Variants in KHDRBS2 observed in about 807,000 individuals in gnomAD.
KHDRBS2 encodes KH domain-containing, RNA-binding, signal transduction-associated protein 2.
Under a neutral mutation model 44.3 loss-of-function variants are expected in KHDRBS2, and 26 were observed. The observed-to-expected ratio is 0.59, with a 90% confidence interval of 0.43 to 0.81. The LOEUF (loss-of-function observed/expected upper bound fraction) is 0.81, where lower values mean the gene tolerates loss of function less well. KHDRBS2 is among the 40% of genes least tolerant of loss of function. The pLI is 0.00. For synonymous variants in KHDRBS2, 194 were observed against 151.1 expected, an observed-to-expected ratio of 1.28 and a Z score of -2.08; for missense variants, 476 against 433.1, an observed-to-expected ratio of 1.10 and a Z score of -0.88.
At chr6:62,021,444 G>A (rs1035187022) in intron 3 of KHDRBS2, among the ~76,000 whole-genome samples, 5 of 151,782 alleles carry the variant, frequency 3.3e-5, no homozygotes, top group Non-Finnish European at 5.9e-5. Context: ...TGTGTTTCTT[G>A]CAGTATCATA....
At chr6:61,610,929 G>A in the KHDRBS2 span, among the ~76,000 whole-genome samples, 2 of 152,104 alleles carry the variant, frequency 1.3e-5, no homozygotes, top group South Asian at 2.1e-4. Flanking sequence ...GACCATTCTG[G>A]AAATACTTGG....
At chr6:61,954,999 C>T (rs374052430) in intron 4 of KHDRBS2, among the ~76,000 whole-genome samples, 1 of 98,326 alleles carries the variant, frequency 1.0e-5, no homozygotes. Flanking sequence ...CATATATAGA[C>T]ATACATATGT....
chr6:61,618,647 C>T, the KHDRBS2 span, among the ~76,000 whole-genome samples: 3 of 152,248 alleles, frequency 2.0e-5, no homozygotes, highest in Middle Eastern at 3.4e-3. Flanking sequence ...TGATAGGCCC[C>T]GTTGTGCATT....
At chr6:61,770,433 T>C (rs1780686262) in intron 6 of KHDRBS2, among the ~76,000 whole-genome samples, 1 of 151,918 alleles carries the variant, frequency 6.6e-6, no homozygotes, top group African/African-American at 2.4e-5. Flanking sequence ...AGTTAAAAGC[T>C]TTGAAAAAAA....
At chr6:62,133,064 C>G (rs1270131986) in intron 2 of KHDRBS2, among the ~76,000 whole-genome samples, 1 of 152,128 alleles carries the variant, frequency 6.6e-6, no homozygotes, top group East Asian at 1.9e-4. Context: ...AATACATATA[C>G]AAACGGGCTT....
intron 2 of KHDRBS2, among the ~76,000 whole-genome samples, chr6:62,146,962 A>G (rs1056219770): frequency 6.6e-6 from 1 of 151,964 alleles, no homozygotes; most frequent in Admixed American, 6.6e-5. Context: ...GTAAAAGGTT[A>G]TATTTTTATG....
At chr6:61,790,694 C>T (rs1046515728) in intron 6 of KHDRBS2, among the ~76,000 whole-genome samples, 21 of 151,562 alleles carry the variant, frequency 1.4e-4, no homozygotes, top group Non-Finnish European at 3.0e-5. Flanking sequence ...ATTTTTGCAT[C>T]TGTGCTTATG....
chr6:61,794,064 G>T (rs1784992784), intron 6 of KHDRBS2, among the ~76,000 whole-genome samples: 1 of 152,136 alleles, frequency 6.6e-6, no homozygotes, highest in Admixed American at 6.6e-5. Context: ...TAAATATATA[G>T]AATGCTAAAA....
chr6:62,059,332 G>T (rs1162657284), intron 2 of KHDRBS2, among the ~76,000 whole-genome samples: 1 of 148,520 alleles, frequency 6.7e-6, no homozygotes, highest in Non-Finnish European at 1.5e-5. Context: ...ATATGGGGCA[G>T]ATGTAGTGGA....
intron 6 of KHDRBS2, among the ~76,000 whole-genome samples, chr6:61,773,978 G>T (rs1781481422): frequency 6.6e-6 from 1 of 152,062 alleles, no homozygotes; most frequent in African/African-American, 2.4e-5. Context: ...ATTTCTGAGG[G>T]CTCTGTTCTG....
intron 6 of KHDRBS2, among the ~76,000 whole-genome samples, chr6:61,845,499 G>A (rs62414684): frequency 0.17 from 25,397 of 152,024 alleles, 2,252 homozygotes; most frequent in Non-Finnish European, 0.2. Context: ...TAGTAGAGAC[G>A]GGGTTTCACC....
At chr6:61,899,268 G>A (rs1803483876) in intron 5 of KHDRBS2, among the ~76,000 whole-genome samples, 2 of 151,834 alleles carry the variant, frequency 1.3e-5, no homozygotes, top group South Asian at 4.2e-4. Context: ...AATTTAAAAG[G>A]AAAAGAATAT....
chr6:61,848,544 T>TAC (rs1794909988), intron 6 of KHDRBS2, among the ~76,000 whole-genome samples: 1 of 52,422 alleles, frequency 1.9e-5, no homozygotes, highest in Non-Finnish European at 3.1e-5. Flanking sequence ...TATATATGTA[T>TAC]ATATATACAT....
the KHDRBS2 span, among the ~76,000 whole-genome samples, chr6:61,559,770 G>A: frequency 1.6e-4 from 24 of 152,140 alleles, no homozygotes; most frequent in Admixed American, 6.5e-4. Context: ...ATTGCACTAC[G>A]TCTTGAAAAG....
the KHDRBS2 span, among the ~76,000 whole-genome samples, chr6:61,637,481 C>T: frequency 1.5e-3 from 235 of 152,218 alleles, 1 homozygote; most frequent in Admixed American, 3.4e-3. Flanking sequence ...GTGAATTATG[C>T]CACAATAAAC....
At chr6:61,890,899 A>G (rs559343128) in intron 6 of KHDRBS2, among the ~76,000 whole-genome samples, 11 of 152,326 alleles carry the variant, frequency 7.2e-5, no homozygotes, top group Admixed American at 5.2e-4. Flanking sequence ...TAGTGAAGAT[A>G]CTTAGATGAA....
intron 7 of KHDRBS2, among the ~76,000 whole-genome samples, chr6:61,705,762 T>C (rs1222203157): frequency 6.6e-6 from 1 of 151,834 alleles, no homozygotes; most frequent in Admixed American, 6.6e-5. Flanking sequence ...AACAAGGTCC[T>C]GCCCCAAGCA....
the KHDRBS2 span, among the ~76,000 whole-genome samples, chr6:61,554,895 T>C: frequency 2.6e-5 from 4 of 152,268 alleles, no homozygotes; most frequent in African/African-American, 9.6e-5. Context: ...CCTGATGGGG[T>C]TCCCTTTGTA....
chr6:61,893,069 C>T (rs900818911), intron 6 of KHDRBS2, among the ~76,000 whole-genome samples: 5 of 151,988 alleles, frequency 3.3e-5, no homozygotes, highest in African/African-American at 1.2e-4. Context: ...AAAAACAACC[C>T]CATCAACAAG....
Sources: gnomAD v4.1 joint callset for allele counts (sites outside exome capture counted in the v4.1 genomes callset) on GRCh38, gnomAD v4.1.1 for gene constraint, MANE v1.5 for transcripts, NCBI Gene and HGNC (gene_info 2026-07-23, HGNC 2026-07-21) for gene names.